BBS5: variants seen among roughly 807,000 people sequenced by gnomAD.
The protein encoded by BBS5 is Bardet-Biedl syndrome 5.
Under a neutral mutation model 50.2 loss-of-function variants are expected in BBS5, and 39 were observed. That is an observed-to-expected ratio of 0.78 (90% CI 0.60 to 1.01). The LOEUF (loss-of-function observed/expected upper bound fraction) is 1.01. Among genes scored for constraint, BBS5 ranks in the 50% least tolerant of loss-of-function variants. The pLI, the probability that BBS5 is intolerant of heterozygous loss-of-function variation, is 0.00. For synonymous variants in BBS5, 134 were observed against 133.1 expected (o/e 1.01, Z -0.05); for missense variants, 356 against 401.5 (o/e 0.89, Z 0.97).
chr2:169,487,810 C>G lies in BBS5; in HGVS notation c.213C>G (p.Val71=). ...TTCTTTGCTTTTGGATTTTAGCTGTCGGTTACAATTGCATATTGAATATTA... is the reference window on the plus strand; with the variant it reads ...TTCTTTGCTTTTGGATTTTAGCTGTGGGTTACAATTGCATATTGAATATTA... ...SLALSRVNVS[V]GYNCILNITT... Residue 71 remains valine, a synonymous_variant, in exon 4 of 12, where the codon GTC becomes GTG. Transcript: ENST00000295240. The G allele has an allele frequency of 6.2e-7, 1 of 1,606,252 alleles. No homozygotes were observed. Among genetic ancestry groups the G allele is most frequent in the Non-Finnish European group, 8.5e-7 (1 of 1,174,436 alleles).
intron 7 of BBS5, among the ~76,000 whole-genome samples, chr2:169,495,869 G>C (rs1400018979): frequency 5.3e-5 from 8 of 152,104 alleles, no homozygotes; most frequent in Admixed American, 5.2e-4. Flanking sequence ...TGTTTCCCAG[G>C]CTGGTCTCAA....
rs539627511 is a variant in BBS5 at position 169,479,530 on chromosome 2, A to G, written c.-24A>G. The G allele has an allele frequency of 6.8e-6, 11 of 1,614,000 alleles. No homozygotes were observed. The highest frequency in any genetic ancestry group is 6.7e-5 in the East Asian group (3 of 44,844). ...GCTAGGCCTGCACGGCTGTGGAGAGATCCTGCCACGGGCCTTGTTCACCAT... is the reference window on the plus strand; with the variant it reads ...GCTAGGCCTGCACGGCTGTGGAGAGGTCCTGCCACGGGCCTTGTTCACCAT... On this transcript the variant is annotated 5_prime_UTR_variant, in exon 1 of 12. Transcript: ENST00000295240.
At chr2:169,487,965 T>C in intron 4 of BBS5, 22 bp from the exon 5 acceptor site, 1 of 1,613,030 alleles carries the variant, frequency 6.2e-7, no homozygotes, top group Non-Finnish European at 8.5e-7. Flanking sequence ...ATCTGAACTT[T>C]TAAATAAATT....
Sources: gnomAD v4.1 joint callset for allele counts (sites outside exome capture counted in the v4.1 genomes callset) on GRCh38, gnomAD v4.1.1 for gene constraint, MANE v1.5 for transcripts, NCBI Gene and HGNC (gene_info 2026-07-23, HGNC 2026-07-21) for gene names.